GRID2: variants seen among roughly 807,000 people sequenced by gnomAD.
GRID2 encodes the protein glutamate ionotropic receptor delta type subunit 2.
In GRID2, 33 loss-of-function variants were observed where a neutral mutation model predicts 114.8. That is an observed-to-expected ratio of 0.29 (90% CI 0.22 to 0.38). The LOEUF is 0.38. Among genes scored for constraint, GRID2 ranks in the 10% least tolerant of loss-of-function variants. The probability of loss-of-function intolerance (pLI) is 1.00; values close to 1 mark genes in which losing one functional copy is unlikely to be tolerated. For synonymous variants in GRID2, 505 were observed against 449.9 expected, an observed-to-expected ratio of 1.12 and a Z score of -1.55; for missense variants, 1,184 against 1,257.7, an observed-to-expected ratio of 0.94 and a Z score of 0.89.
At chr4:92,944,192 G>A (rs1352473439) in intron 2 of GRID2, among the ~76,000 whole-genome samples, 1 of 152,206 alleles carries the variant, frequency 6.6e-6, no homozygotes, top group Non-Finnish European at 1.5e-5. Flanking sequence ...GGAGTCTACA[G>A]AGGCAGGCAG....
At chr4:92,860,518 AAGAGAGTAAGAGTAT>A (rs1417759983) in intron 2 of GRID2, among the ~76,000 whole-genome samples, 1 of 152,124 alleles carries the variant, frequency 6.6e-6, no homozygotes, top group Non-Finnish European at 1.5e-5. Context: ...ATTGCCTATA[AAGAGAGTAAGAGTAT>A]ACAAAACCTG....
chr4:92,385,775 C>A (rs996437430), intron 1 of GRID2, among the ~76,000 whole-genome samples: 1 of 150,920 alleles, frequency 6.6e-6, no homozygotes, highest in Non-Finnish European at 1.5e-5. Flanking sequence ...TGTAGTTCTA[C>A]TTTTCATGTA....
At chr4:93,508,879 C>G (rs941207978) in intron 12 of GRID2, among the ~76,000 whole-genome samples, 2 of 152,174 alleles carry the variant, frequency 1.3e-5, no homozygotes, top group Non-Finnish European at 2.9e-5. Flanking sequence ...GGAAGGAATT[C>G]TCCAGGTAGA....
chr4:93,323,406 A>G (rs1184267999), intron 8 of GRID2, among the ~76,000 whole-genome samples: 2 of 151,976 alleles, frequency 1.3e-5, no homozygotes, highest in Non-Finnish European at 1.5e-5. Flanking sequence ...ATTGGTCTAT[A>G]TCTCTGTTTT....
chr4:93,724,923 G>C (rs934959833), intron 14 of GRID2, among the ~76,000 whole-genome samples: 4 of 152,068 alleles, frequency 2.6e-5, no homozygotes, highest in Non-Finnish European at 5.9e-5. Context: ...GGGATTATAG[G>C]TGTGCACCAC....
chr4:92,687,644 A>C (rs891290352), intron 2 of GRID2, among the ~76,000 whole-genome samples: 1 of 152,100 alleles, frequency 6.6e-6, no homozygotes, highest in Non-Finnish European at 1.5e-5. Context: ...CCTGGCTAAC[A>C]CGGTGAAACC....
chr4:93,476,336 T>A (rs977597664), intron 11 of GRID2, among the ~76,000 whole-genome samples: 1 of 152,124 alleles, frequency 6.6e-6, no homozygotes. Flanking sequence ...GGATGATATA[T>A]AAATTGTCTT....
At chr4:92,842,865 G>A (rs1743010495) in intron 2 of GRID2, among the ~76,000 whole-genome samples, 1 of 152,100 alleles carries the variant, frequency 6.6e-6, no homozygotes, top group Admixed American at 6.6e-5. Flanking sequence ...AACATCAGGT[G>A]TGGTAAGAAA....
intron 13 of GRID2, among the ~76,000 whole-genome samples, chr4:93,559,139 T>G (rs1397203029): frequency 6.6e-6 from 1 of 151,664 alleles, no homozygotes; most frequent in African/African-American, 2.4e-5. Flanking sequence ...GACCAACCCA[T>G]AAAACCTAGG....
chr4:93,378,894 A>G (rs1389345370), intron 8 of GRID2, among the ~76,000 whole-genome samples: 3 of 152,074 alleles, frequency 2.0e-5, no homozygotes, highest in Non-Finnish European at 4.4e-5. Context: ...TTTTGGTTGG[A>G]TAGAACATCC....
At chr4:92,697,892 C>T (rs575797902) in intron 2 of GRID2, among the ~76,000 whole-genome samples, 1 of 151,944 alleles carries the variant, frequency 6.6e-6, no homozygotes, top group African/African-American at 2.4e-5. Context: ...ACTGAGATAG[C>T]ATGAGAGAAG....
At chr4:92,665,708 AC>A (rs1732737039) in intron 2 of GRID2, among the ~76,000 whole-genome samples, 1 of 149,710 alleles carries the variant, frequency 6.7e-6, no homozygotes, top group Admixed American at 6.6e-5. Flanking sequence ...TTCTTGGTTG[AC>A]ATGTTTTTTT....
intron 13 of GRID2, among the ~76,000 whole-genome samples, chr4:93,591,227 C>A (rs1416972684): frequency 6.6e-6 from 1 of 151,298 alleles, no homozygotes; most frequent in Non-Finnish European, 1.5e-5. Context: ...TGAAATATGT[C>A]CCATCAATAC....
At chr4:92,693,145 CT>C (rs1330806444) in intron 2 of GRID2, among the ~76,000 whole-genome samples, 3 of 151,784 alleles carry the variant, frequency 2.0e-5, no homozygotes, top group African/African-American at 7.3e-5. Flanking sequence ...ATCTTTCCCC[CT>C]TTATGCTTAT....
chr4:93,519,789 T>C (rs1730150589), intron 13 of GRID2, among the ~76,000 whole-genome samples: 1 of 152,044 alleles, frequency 6.6e-6, no homozygotes, highest in Non-Finnish European at 1.5e-5. Context: ...TCGGTGGTGG[T>C]GCCAGCACCA....
intron 13 of GRID2, among the ~76,000 whole-genome samples, chr4:93,548,813 G>A (rs1733485498): frequency 6.6e-6 from 1 of 152,082 alleles, no homozygotes; most frequent in Admixed American, 6.5e-5. Flanking sequence ...TTAGACAGAT[G>A]GAGTAGAACT....
intron 2 of GRID2, among the ~76,000 whole-genome samples, chr4:92,705,487 C>T (rs1255843109): frequency 6.6e-6 from 1 of 152,128 alleles, no homozygotes; most frequent in Non-Finnish European, 1.5e-5. Flanking sequence ...GGGCATACTC[C>T]CTTAACTAGT....
At chr4:93,042,621 CTCTCTA>C (rs1172739759) in intron 2 of GRID2, among the ~76,000 whole-genome samples, 75 of 131,952 alleles carry the variant, frequency 5.7e-4, no homozygotes, top group African/African-American at 2.0e-3. Flanking sequence ...CTCTCTCTCT[CTCTCTA>C]TATATATATA....
rs547787339 is a variant in GRID2, at chr4:92,807,855, A to G, written c.244+217569A>G. ...TGTCTGTCTATGTATTATTTTGTGGAAATCAGCTTAAATGAACATTATTAA... is the reference window on the plus strand; with the variant it reads ...TGTCTGTCTATGTATTATTTTGTGGGAATCAGCTTAAATGAACATTATTAA... On this transcript the variant is annotated intron_variant, in intron 2 of 15. Coordinates refer to ENST00000282020, the MANE Select transcript of GRID2 (RefSeq NM_001510.4). Among the ~76,000 whole-genome samples, 6 of 152,034 alleles carry G rather than the reference A, an allele frequency of 3.9e-5. No homozygotes were observed. The East Asian group carries it at 1.2e-3, about 30-fold the overall frequency.
Sources: allele counts gnomAD v4.1 joint callset (sites outside exome capture counted in the v4.1 genomes callset), GRCh38; gene constraint gnomAD v4.1.1; transcripts MANE v1.5; gene names NCBI Gene and HGNC (gene_info 2026-07-23, HGNC 2026-07-21).